PRKCZ: variants seen among roughly 807,000 people sequenced by gnomAD.
PRKCZ encodes the protein protein kinase C zeta, also known as protein kinase C zeta type.
A neutral mutation model predicts 79.5 loss-of-function variants in PRKCZ; 33 were observed. That is an observed-to-expected ratio of 0.41 (90% CI 0.31 to 0.55). PRKCZ has a LOEUF of 0.55. Among genes scored for constraint, PRKCZ ranks in the 20% least tolerant of loss-of-function variants. The pLI is 0.19. For missense variants in PRKCZ, 578 were observed against 813.5 expected, an observed-to-expected ratio of 0.71 and a Z score of 3.52; for synonymous variants, 342 against 320.9, an observed-to-expected ratio of 1.07 and a Z score of -0.70.
intron 1 of PRKCZ, among the ~76,000 whole-genome samples, chr1:2,051,468 C>A (rs1659647827): frequency 6.6e-6 from 1 of 152,226 alleles, no homozygotes; most frequent in Admixed American, 6.5e-5. Flanking sequence ...GTTTGTTCTT[C>A]CACCTGTGCG....
intron 10 of PRKCZ, among the ~76,000 whole-genome samples, chr1:2,163,177 G>A (rs1045954892): frequency 1.3e-5 from 2 of 152,226 alleles, no homozygotes; most frequent in African/African-American, 2.4e-5. Context: ...ACTTTGCACC[G>A]GAAGCGCAGT....
intron 4 of PRKCZ, among the ~76,000 whole-genome samples, chr1:2,113,991 G>A (rs1160935997): frequency 6.6e-6 from 1 of 152,208 alleles, no homozygotes; most frequent in Non-Finnish European, 1.5e-5. Context: ...GGGCTCCACG[G>A]GGCTGGCTCT....
At chr1:2,074,150 CAG>C (rs1239254575) in intron 4 of PRKCZ, 23 of 1,544,596 alleles carry the variant, frequency 1.5e-5, no homozygotes, top group African/African-American at 8.2e-5. Flanking sequence ...CCAGCAATGT[CAG>C]GGGAAACGCA....
In PRKCZ at chr1:2,094,085, C is replaced by A. The variant is rs1431343059; in HGVS notation, c.334+34494C>A. ...TCCTGTTTGTCCTGTCCTAGCGCAG[C>A]CACATCCCTTGGGAGCCTGCTTGTC... On this transcript the variant is annotated intron_variant, in intron 4 of 17. Transcript: ENST00000378567. This position sits in a 1 kb window ranked among gnomAD's most constrained non-coding sequence, Gnocchi z 7.3. 1.3e-5 allele frequency among the ~76,000 whole-genome samples: 2 copies of A among 152,302 alleles called. No homozygotes were observed. Among genetic ancestry groups the A allele is most frequent in the East Asian group, 1.9e-4 (1 of 5,180 alleles).
intron 6 of PRKCZ, 132 bp from the exon 7 acceptor site, chr1:2,145,895 G>A: frequency 1.4e-6 from 1 of 724,212 alleles, no homozygotes; most frequent in East Asian, 2.7e-5. Flanking sequence ...CAGCCTGGAT[G>A]ATGACAGACT....
chr1:2,120,312 T>G (rs1373302189), intron 4 of PRKCZ, among the ~76,000 whole-genome samples: 5 of 136,942 alleles, frequency 3.7e-5, no homozygotes, highest in East Asian at 2.1e-4. Context: ...TTTTTTTTTT[T>G]TTTTTTTTTT....
intron 8 of PRKCZ, among the ~76,000 whole-genome samples, chr1:2,150,161 C>CAA (rs750010192): frequency 0.01 from 486 of 46,586 alleles, 10 homozygotes; most frequent in African/African-American, 0.033. Context: ...GACTCCGTCT[C>CAA]AAAAAAAAAA....
At chr1:2,143,559 C>T (rs1460279698) in intron 5 of PRKCZ, 1 of 152,260 alleles carries the variant, frequency 6.6e-6, no homozygotes, top group African/African-American at 2.4e-5. Context: ...AACATTCATT[C>T]TCATGCCTTT....
At position 2,127,198 on chromosome 1, in the gene PRKCZ, G is replaced by A. The variant is rs1221920431; in HGVS notation, c.335-8064G>A. 6.6e-5 allele frequency among the ~76,000 whole-genome samples: 10 copies of A among 152,226 alleles called. No individual in the cohort carries two copies. Among genetic ancestry groups the A allele is most frequent in the African/African-American group, 2.2e-4 (9 of 41,452 alleles). The stretch of plus-strand genomic sequence containing the variant: ...CGCCCCGGGCAACCATCTGCTTCCC[G>A]CCACAGTGGTGCCCAAAACCTTTTC... On this transcript the variant is annotated intron_variant, in intron 4 of 17. Transcript: ENST00000378567. The surrounding 1 kb of genome is among the most constrained non-coding windows in gnomAD (Gnocchi z 5.1).
chr1:2,163,972 TAC>T (rs1163826210), intron 10 of PRKCZ, among the ~76,000 whole-genome samples: 1 of 152,220 alleles, frequency 6.6e-6, no homozygotes, highest in Admixed American at 6.5e-5. Context: ...AGATCATTGT[TAC>T]GATTTTTACT....
chr1:2,138,952 G>A (rs1676773575), intron 5 of PRKCZ, among the ~76,000 whole-genome samples: 1 of 152,176 alleles, frequency 6.6e-6, no homozygotes, highest in Non-Finnish European at 1.5e-5. Context: ...CCTAGAAGCT[G>A]TGCAGATCTC....
In PRKCZ at chr1:2,169,612, C is replaced by T. The variant is rs899116199; in HGVS notation, c.1061+8C>T. The T allele has an allele frequency of 8.0e-6, 11 of 1,380,626 alleles. No individual in the cohort carries two copies. Among genetic ancestry groups the T allele is most frequent in the Non-Finnish European group, 9.6e-6 (10 of 1,041,958 alleles). 85.5% of individuals were successfully genotyped at this position (1,380,626 alleles called of 1,614,324 possible). ...CCCTGAGGAGCACGCCAGGTGGGTG[C>T]GCGTGGACGGGGCCGGGTGGGTGCG... On this transcript the variant is annotated splice_region_variant and intron_variant, in intron 11 of 17. Coordinates refer to ENST00000378567, the MANE Select transcript of PRKCZ (RefSeq NM_002744.6).
rs998722079 is a variant in PRKCZ at position 2,097,549 on chromosome 1, TCTC to T, written c.335-37710_335-37708del. Among the ~76,000 whole-genome samples the T allele has an allele frequency of 5.3e-5, 8 of 152,046 alleles. 1 individual carries two copies. Among genetic ancestry groups the T allele is most frequent in the South Asian group, 4.2e-4 (2 of 4,810 alleles). ...AGGCTTTCAAACCTTTCAAACCACT[TCTC>T]CTGGAGCCCCGTGTTGTGTGCGTCC... On this transcript the variant is annotated intron_variant, in intron 4 of 17. Transcript: ENST00000378567.
At chr1:2,144,174 T>G (rs943058071) in intron 5 of PRKCZ, 36 bp from the exon 6 acceptor site, 4 of 1,546,072 alleles carry the variant, frequency 2.6e-6, no homozygotes, top group Non-Finnish European at 3.5e-6. Flanking sequence ...GGCCCCTCAG[T>G]GTGGCCTGGG....
chr1:2,180,350 A>G (rs1686322839), intron 16 of PRKCZ, among the ~76,000 whole-genome samples: 1 of 152,176 alleles, frequency 6.6e-6, no homozygotes, highest in Admixed American at 6.5e-5. Flanking sequence ...CGCCCGGACG[A>G]CGTGGACACC....
chr1:2,171,985 C>T (rs1053579349), intron 11 of PRKCZ, 70 bp from the exon 12 acceptor site: 130 of 1,519,152 alleles, frequency 8.6e-5, no homozygotes, highest in Non-Finnish European at 1.1e-4. Context: ...AGTGTGTGGC[C>T]CCCAGGCTGG....
chr1:2,124,595 C>T (rs1020551141), intron 4 of PRKCZ, among the ~76,000 whole-genome samples: 2 of 152,106 alleles, frequency 1.3e-5, no homozygotes, highest in Non-Finnish European at 2.9e-5. Flanking sequence ...CTGACTCCAG[C>T]CTCGGAAACA....
intron 4 of PRKCZ, among the ~76,000 whole-genome samples, chr1:2,084,827 C>T (rs1664190795): frequency 6.6e-6 from 1 of 152,046 alleles, no homozygotes; most frequent in Non-Finnish European, 1.5e-5. Flanking sequence ...GGCAACATGG[C>T]AAAACCCCAT....
intron 10 of PRKCZ, among the ~76,000 whole-genome samples, chr1:2,163,734 CAAAA>C (rs35766783): frequency 7.2e-6 from 1 of 139,740 alleles, no homozygotes; most frequent in Non-Finnish European, 1.6e-5. Context: ...ACTAAAAATA[CAAAA>C]AAAAAAAAAA....
Sources: allele counts gnomAD v4.1 joint callset (sites outside exome capture counted in the v4.1 genomes callset), GRCh38; gene constraint gnomAD v4.1.1; non-coding constraint Gnocchi (gnomAD v3.1); transcripts MANE v1.5; gene names NCBI Gene and HGNC (gene_info 2026-07-23, HGNC 2026-07-21).